PTPRT: variants seen among roughly 807,000 people sequenced by gnomAD.
The protein encoded by PTPRT is receptor-type tyrosine-protein phosphatase T.
A neutral mutation model predicts 176.8 loss-of-function variants in PTPRT; 56 were observed. The ratio of observed to expected loss-of-function variants is 0.32; its 90% confidence interval spans 0.26 to 0.40. The LOEUF is 0.40. PTPRT is among the 10% of genes least tolerant of loss of function. The pLI, the probability that PTPRT is intolerant of heterozygous loss-of-function variation, is 1.00. For synonymous variants in PTPRT, 783 were observed against 739.0 expected (o/e 1.06, Z -0.96); for missense variants, 1,540 against 1,908.2 (o/e 0.81, Z 3.60).
At chr20:42,341,170 C>T (rs1023734410) in intron 11 of PTPRT, among the ~76,000 whole-genome samples, 7 of 152,150 alleles carry the variant, frequency 4.6e-5, no homozygotes, top group Non-Finnish European at 7.3e-5. Flanking sequence ...TGTCTTTCTA[C>T]ACTCTCCCTG....
intron 7 of PTPRT, among the ~76,000 whole-genome samples, chr20:42,477,919 T>C (rs1024192289): frequency 7.9e-5 from 12 of 152,160 alleles, no homozygotes; most frequent in African/African-American, 1.4e-4. Context: ...CTTCAGACTG[T>C]CCCTCTTCTC....
At chr20:42,836,794 A>C (rs1033119043) in intron 2 of PTPRT, among the ~76,000 whole-genome samples, 1 of 152,222 alleles carries the variant, frequency 6.6e-6, no homozygotes, top group Non-Finnish European at 1.5e-5. Flanking sequence ...AGATGACAAT[A>C]AGTCGTGTTT....
rs532525804 is a variant in PTPRT, at chr20:42,308,021, A to G, written c.2139+7702T>C. ...TTCTACCGGCACCATGACAGTTTAT[A>G]AGTGCTATGACAACATCAAGAAGTT... On this transcript the variant is annotated intron_variant, in intron 12 of 30. Transcript: ENST00000373187. 1.5e-3 allele frequency among the ~76,000 whole-genome samples: 236 copies of G among 152,298 alleles called. 1 individual carries two copies. The highest frequency in any genetic ancestry group is 5.4e-3 in the African/African-American group (223 of 41,558).
At chr20:42,533,683 G>T (rs991809395) in intron 7 of PTPRT, among the ~76,000 whole-genome samples, 1 of 152,164 alleles carries the variant, frequency 6.6e-6, no homozygotes, top group Non-Finnish European at 1.5e-5. Flanking sequence ...TACCTCAAAG[G>T]GTGACAGTGA....
intron 1 of PTPRT, among the ~76,000 whole-genome samples, chr20:42,968,017 C>T (rs570428373): frequency 6.6e-6 from 1 of 152,248 alleles, no homozygotes; most frequent in East Asian, 1.9e-4. Flanking sequence ...GACAAATTCC[C>T]CCAAATCCCC....
chr20:42,578,621 C>T (rs1193494584), intron 7 of PTPRT, among the ~76,000 whole-genome samples: 1 of 152,194 alleles, frequency 6.6e-6, no homozygotes. Context: ...CTCACTTCCA[C>T]TACCAATCCA....
At chr20:42,230,494 G>A (rs2146832209) in intron 15 of PTPRT, among the ~76,000 whole-genome samples, 1 of 152,330 alleles carries the variant, frequency 6.6e-6, no homozygotes, top group South Asian at 2.1e-4. Flanking sequence ...AACAACTGAA[G>A]TTGTTGGGGT....
At chr20:42,618,943 TA>T (rs1206794262) in intron 7 of PTPRT, among the ~76,000 whole-genome samples, 1 of 151,898 alleles carries the variant, frequency 6.6e-6, no homozygotes, top group African/African-American at 2.4e-5. Context: ...CATTTACATT[TA>T]AAGTTAGTAT....
At chr20:42,854,395 G>A (rs2078527560) in intron 2 of PTPRT, among the ~76,000 whole-genome samples, 1 of 152,166 alleles carries the variant, frequency 6.6e-6, no homozygotes, top group African/African-American at 2.4e-5. Context: ...AAGAAACTAG[G>A]GAGGTACAAC....
intron 1 of PTPRT, among the ~76,000 whole-genome samples, chr20:43,025,184 T>C (rs2146185512): frequency 6.6e-6 from 1 of 152,292 alleles, no homozygotes; most frequent in South Asian, 2.1e-4. Context: ...TGATACTAAC[T>C]AGATACCTTA....
Position 42,800,973 on chromosome 20 carries a change from G to T in PTPRT, c.215-9507C>A, listed in dbSNP as rs1001006396. ...AACCTCCTCACATACCCAGTGAGTG[G>T]CAAGGTCGACAGTGGGGAATGTTTG... is the stretch of plus-strand genomic sequence containing the variant. On this transcript the variant is annotated intron_variant, in intron 2 of 30. Coordinates refer to ENST00000373187, the MANE Select transcript of PTPRT (RefSeq NM_007050.6). Among the ~76,000 whole-genome samples, 72 of 152,202 alleles carry T rather than the reference G, an allele frequency of 4.7e-4. 1 individual carries two copies. Among genetic ancestry groups the T allele is most frequent in the African/African-American group, 1.7e-3 (69 of 41,520 alleles).
At chr20:42,924,640 C>T (rs748561571) in intron 1 of PTPRT, among the ~76,000 whole-genome samples, 9 of 152,182 alleles carry the variant, frequency 5.9e-5, no homozygotes, top group Non-Finnish European at 1.0e-4. Flanking sequence ...CTAATATGTG[C>T]ACAGAACATC....
At chr20:42,535,392 G>A (rs950188131) in intron 7 of PTPRT, among the ~76,000 whole-genome samples, 1 of 152,000 alleles carries the variant, frequency 6.6e-6, no homozygotes, top group Non-Finnish European at 1.5e-5. Context: ...TTACCTGGGT[G>A]GTAAAATAAT....
rs182102295 is a variant in PTPRT at position 43,039,629 on chromosome 20, A to G, written c.88+150017T>C. Among the ~76,000 whole-genome samples, 270 of 152,252 alleles carry G rather than the reference A, an allele frequency of 1.8e-3. 2 individuals are homozygous for G. The highest frequency in any genetic ancestry group is 0.01 in the South Asian group (50 of 4,824). Reference sequence around the variant, plus strand: ...AATAAAAAACTTATTGTGACCAAAAATAAAAACCCAAAATCAAGTAAAAAG... The same window carrying G: ...AATAAAAAACTTATTGTGACCAAAAGTAAAAACCCAAAATCAAGTAAAAAG... On this transcript the variant is annotated intron_variant, in intron 1 of 30. Transcript: ENST00000373187.
chr20:43,178,559 A>G (rs1167421908), intron 1 of PTPRT, among the ~76,000 whole-genome samples: 3 of 152,242 alleles, frequency 2.0e-5, no homozygotes, highest in Non-Finnish European at 4.4e-5. Flanking sequence ...AACAGTCAAA[A>G]CATCCAAAGC....
intron 2 of PTPRT, among the ~76,000 whole-genome samples, chr20:42,807,339 C>T (rs935553669): frequency 6.6e-6 from 1 of 152,190 alleles, no homozygotes; most frequent in African/African-American, 2.4e-5. Flanking sequence ...ACCTGTCTCA[C>T]TTTCCAGTGT....
intron 14 of PTPRT, among the ~76,000 whole-genome samples, chr20:42,237,437 C>T (rs747078583): frequency 6.6e-6 from 1 of 152,182 alleles, no homozygotes; most frequent in Non-Finnish European, 1.5e-5. Flanking sequence ...CAACTGTGTT[C>T]ACAGAAGTCT....
At chr20:42,505,911 C>A (rs373859949) in intron 7 of PTPRT, among the ~76,000 whole-genome samples, 5 of 152,088 alleles carry the variant, frequency 3.3e-5, no homozygotes, top group East Asian at 1.9e-4. Flanking sequence ...GTTCATTGTC[C>A]TTTTTAAAGC....
intron 1 of PTPRT, among the ~76,000 whole-genome samples, chr20:43,010,626 C>T (rs1307706880): frequency 6.6e-6 from 1 of 152,038 alleles, no homozygotes; most frequent in East Asian, 1.9e-4. Context: ...GCATCATCGT[C>T]AACCACAACA....
Sources: allele counts gnomAD v4.1 joint callset (sites outside exome capture counted in the v4.1 genomes callset), GRCh38; gene constraint gnomAD v4.1.1; transcripts MANE v1.5; gene names NCBI Gene and HGNC (gene_info 2026-07-23, HGNC 2026-07-21).